Variants in WNT7A observed in about 807,000 individuals in gnomAD.
WNT7A encodes protein Wnt-7a.
WNT7A carries 16 observed loss-of-function variants against 28.2 expected under a neutral mutation model. The ratio of observed to expected loss-of-function variants is 0.57; its 90% CI spans 0.38 to 0.86. The LOEUF (loss-of-function observed/expected upper bound fraction) is 0.86. WNT7A is among the 40% of genes least tolerant of loss of function. The pLI, the probability that WNT7A is intolerant of heterozygous loss-of-function variation, is 0.00. For synonymous variants in WNT7A, 190 were observed against 195.9 expected (o/e 0.97, Z 0.25); for missense variants, 411 against 489.7 (o/e 0.84, Z 1.52).
Position 13,879,687 on chromosome 3 carries a change from T to C in WNT7A, c.71+59A>G. 10 of 1,573,734 alleles carry C rather than the reference T, an allele frequency of 6.4e-6. No homozygotes were observed. The South Asian group carries it at 9.2e-5, about 14-fold the overall frequency. On this transcript the variant is annotated intron_variant, in intron 1 of 3. Coordinates refer to ENST00000285018, the MANE Select transcript of WNT7A (RefSeq NM_004625.4). ...GAGGCTCGCAGGCGGCACACCTCCC[T>C]CCCCGGGCCGTGCCAACTTTGTCGA...
intron 3 of WNT7A, among the ~76,000 whole-genome samples, chr3:13,852,045 G>C (rs1694647496): frequency 1.3e-5 from 2 of 152,354 alleles, no homozygotes; most frequent in Admixed American, 1.3e-4. Flanking sequence ...CTGCCCCATG[G>C]CCCACATCCT....
At chr3:13,825,915 G>A (rs116317115) in intron 3 of WNT7A, among the ~76,000 whole-genome samples, 106 of 152,292 alleles carry the variant, frequency 7.0e-4, no homozygotes, top group African/African-American at 2.5e-3. Flanking sequence ...CTCCATCTCA[G>A]CCTCTGCTTC....
Position 13,865,618 on chromosome 3 carries a change from G to A in WNT7A, c.298+9329C>T, listed in dbSNP as rs530270028. Reference sequence around the variant, plus strand: ...CCGTCACTCACGCAACAGAGAAAACGGAGCACCTGCTGTGCATGAGGTGCT... The same window carrying A: ...CCGTCACTCACGCAACAGAGAAAACAGAGCACCTGCTGTGCATGAGGTGCT... On this transcript the variant is annotated intron_variant, in intron 2 of 3. Coordinates refer to ENST00000285018, the MANE Select transcript of WNT7A (RefSeq NM_004625.4). 1.5e-4 allele frequency among the ~76,000 whole-genome samples: 23 copies of A among 152,278 alleles called. No homozygotes were observed. In the South Asian group the frequency reaches 3.7e-3, roughly 25 times the overall value.
chr3:13,849,701 AC>A (rs1416836807), intron 3 of WNT7A, among the ~76,000 whole-genome samples: 1 of 152,182 alleles, frequency 6.6e-6, no homozygotes, highest in Non-Finnish European at 1.5e-5. Flanking sequence ...GAGAGATGAG[AC>A]AGACAGCAGG....
At position 13,818,917 on chromosome 3, in the gene WNT7A, A is replaced by G. The variant is rs1336945782; in HGVS notation, c.*27T>C. On this transcript the variant is annotated 3_prime_UTR_variant, in exon 4 of 4. Coordinates refer to ENST00000285018, the MANE Select transcript of WNT7A (RefSeq NM_004625.4). ...CAGTCCTCCCAGCAATCTGACTTGC[A>G]GCGGGAGGGTGGTGTGCACACGGGG... is the stretch of plus-strand genomic sequence containing the variant. The G allele has an allele frequency of 1.3e-6, 2 of 1,547,278 alleles. No individual in the cohort carries two copies. Among genetic ancestry groups the G allele is most frequent in the South Asian group, 2.5e-5 (2 of 80,254 alleles).
At chr3:13,850,409 G>A (rs972742688) in intron 3 of WNT7A, among the ~76,000 whole-genome samples, 14 of 152,284 alleles carry the variant, frequency 9.2e-5, no homozygotes, top group Admixed American at 9.1e-4. Flanking sequence ...GCCAGGGCAG[G>A]GGTGGGAATC....
intron 3 of WNT7A, among the ~76,000 whole-genome samples, chr3:13,845,585 A>T (rs1037484368): frequency 6.6e-6 from 1 of 152,224 alleles, no homozygotes; most frequent in Non-Finnish European, 1.5e-5. Flanking sequence ...GAGGCAGAGT[A>T]ACATGGCCAA....
At chr3:13,837,635 G>A (rs1023279334) in intron 3 of WNT7A, among the ~76,000 whole-genome samples, 1 of 152,206 alleles carries the variant, frequency 6.6e-6, no homozygotes. Context: ...AAGAGGCCCT[G>A]ACTTAGTCCA....
chr3:13,859,792 T>C lies in WNT7A; in HGVS notation c.299-4989A>G, dbSNP rs1342519600. On this transcript the variant is annotated intron_variant, in intron 2 of 3. Coordinates refer to ENST00000285018, the MANE Select transcript of WNT7A (RefSeq NM_004625.4). ...AGACTGTGTGCCTTCAACCACATGGTCTTTCTTGGGTGCTTTTTGTTTGCC... is the reference window on the plus strand; with the variant it reads ...AGACTGTGTGCCTTCAACCACATGGCCTTTCTTGGGTGCTTTTTGTTTGCC... 2.0e-5 allele frequency among the ~76,000 whole-genome samples: 3 copies of C among 152,234 alleles called. No individual in the cohort carries two copies. In the East Asian group the frequency reaches 5.8e-4, roughly 29 times the overall value.
intron 3 of WNT7A, among the ~76,000 whole-genome samples, chr3:13,829,784 G>A (rs1694248892): frequency 6.6e-6 from 1 of 152,130 alleles, no homozygotes; most frequent in South Asian, 2.1e-4. Flanking sequence ...TCCCTGGAGT[G>A]AAAGCCCATT....
intron 3 of WNT7A, among the ~76,000 whole-genome samples, chr3:13,837,981 C>T (rs1269849654): frequency 2.0e-5 from 3 of 152,340 alleles, no homozygotes; most frequent in Middle Eastern, 6.8e-3. Flanking sequence ...CACGCTGCCC[C>T]GCAACAGCCC....
At chr3:13,848,551 T>G (rs1191169840) in intron 3 of WNT7A, among the ~76,000 whole-genome samples, 1 of 152,132 alleles carries the variant, frequency 6.6e-6, no homozygotes, top group Non-Finnish European at 1.5e-5. Context: ...TCTATCAGAA[T>G]GGCAAAAAAA....
In WNT7A at chr3:13,837,672, GA is replaced by G. The variant is rs1694391718; in HGVS notation, c.570+16859del. On this transcript the variant is annotated intron_variant, in intron 3 of 3. Coordinates refer to ENST00000285018, the MANE Select transcript of WNT7A (RefSeq NM_004625.4). Reference sequence around the variant, plus strand: ...AGAAGATCAAGGCTGAAGCATCCCGGAAAGTCTCTGGGGCAGGGACACAGGC... The same window carrying G: ...AGAAGATCAAGGCTGAAGCATCCCGGAAGTCTCTGGGGCAGGGACACAGGC... 2.6e-5 allele frequency among the ~76,000 whole-genome samples: 4 copies of G among 152,264 alleles called. No individual in the cohort carries two copies. In the South Asian group the frequency reaches 8.3e-4, roughly 32 times the overall value.
intron 2 of WNT7A, among the ~76,000 whole-genome samples, chr3:13,858,155 C>T (rs924572014): frequency 2.6e-5 from 4 of 152,186 alleles, no homozygotes; most frequent in Non-Finnish European, 4.4e-5. Flanking sequence ...CCAAGAACTG[C>T]CCCCAGGGAT....
chr3:13,844,912 C>G (rs922387235), intron 3 of WNT7A, among the ~76,000 whole-genome samples: 1 of 152,174 alleles, frequency 6.6e-6, no homozygotes, highest in African/African-American at 2.4e-5. Flanking sequence ...TGGCTCCCCT[C>G]CCTCCCTCTT....
intron 3 of WNT7A, among the ~76,000 whole-genome samples, chr3:13,851,381 G>A (rs757635839): frequency 5.3e-5 from 8 of 152,226 alleles, no homozygotes; most frequent in Non-Finnish European, 1.2e-4. Flanking sequence ...CATGCTGTTA[G>A]GACTTCATGC....
At chr3:13,848,698 G>A (rs545351873) in intron 3 of WNT7A, among the ~76,000 whole-genome samples, 13 of 152,264 alleles carry the variant, frequency 8.5e-5, no homozygotes, top group Middle Eastern at 3.4e-3. Context: ...TTCTTATAAA[G>A]CTAAACATAC....
intron 3 of WNT7A, among the ~76,000 whole-genome samples, chr3:13,840,767 G>A (rs1694444766): frequency 6.6e-6 from 1 of 151,004 alleles, no homozygotes; most frequent in Non-Finnish European, 1.5e-5. Flanking sequence ...TATCTATCTA[G>A]CAAATATCCA....
At chr3:13,866,620 C>T (rs1694914805) in intron 2 of WNT7A, among the ~76,000 whole-genome samples, 1 of 152,122 alleles carries the variant, frequency 6.6e-6, no homozygotes, top group Admixed American at 6.5e-5. Context: ...GATAGAAAGA[C>T]AGAGGGAGCG....
Sources: allele counts gnomAD v4.1 joint callset (sites outside exome capture counted in the v4.1 genomes callset), GRCh38; gene constraint gnomAD v4.1.1; transcripts MANE v1.5; gene names NCBI Gene and HGNC (gene_info 2026-07-23, HGNC 2026-07-21).